PDE4B: variants seen among roughly 807,000 people sequenced by gnomAD.
The protein encoded by PDE4B is 3',5'-cyclic-AMP phosphodiesterase 4B.
A neutral mutation model predicts 82.2 loss-of-function variants in PDE4B; 20 were observed. That is an observed-to-expected ratio of 0.24 (90% CI 0.17 to 0.35). The LOEUF is 0.35. Ranked by LOEUF, PDE4B falls within the 10% of genes least tolerant of loss-of-function variation. The pLI, the probability that PDE4B is intolerant of heterozygous loss-of-function variation, is 1.00. For missense variants in PDE4B, 655 were observed against 907.2 expected, an observed-to-expected ratio of 0.72 and a Z score of 3.57; for synonymous variants, 320 against 318.9, an observed-to-expected ratio of 1.00 and a Z score of -0.04.
rs187801418 is a variant in PDE4B, at chr1:66,091,102, C to T, written c.282-156358C>T. 3.3e-5 allele frequency among the ~76,000 whole-genome samples: 5 copies of T among 152,058 alleles called. No individual in the cohort carries two copies. In the East Asian group the frequency reaches 5.8e-4, roughly 18 times the overall value. The stretch of plus-strand genomic sequence containing the variant: ...TCCACCTATGTGATGGCCTTTCAGA[C>T]ATGACAAACAGTTTTTCTAGTTTCT... On this transcript the variant is annotated intron_variant, in intron 3 of 16. Coordinates refer to ENST00000341517, the MANE Select transcript of PDE4B (RefSeq NM_002600.4).
intron 3 of PDE4B, among the ~76,000 whole-genome samples, chr1:65,999,374 C>T (rs1410215074): frequency 6.6e-6 from 1 of 152,194 alleles, no homozygotes; most frequent in African/African-American, 2.4e-5. Context: ...CCCCAGGCTG[C>T]TTCCAACCTC....
chr1:65,793,957 C>G (rs1645603333), intron 1 of PDE4B, among the ~76,000 whole-genome samples: 1 of 152,162 alleles, frequency 6.6e-6, no homozygotes, highest in East Asian at 1.9e-4. Context: ...ACTTCAAACA[C>G]AAATCGGAAC....
chr1:65,858,717 T>C (rs1200256034), intron 1 of PDE4B, among the ~76,000 whole-genome samples: 2 of 152,182 alleles, frequency 1.3e-5, no homozygotes, highest in Non-Finnish European at 2.9e-5. Context: ...GTCTATATCT[T>C]CTGGTTAGTA....
intron 3 of PDE4B, among the ~76,000 whole-genome samples, chr1:66,133,018 C>T (rs920031009): frequency 6.6e-6 from 1 of 152,082 alleles, no homozygotes; most frequent in Non-Finnish European, 1.5e-5. Context: ...GTTGATATAC[C>T]AGGGCTACTT....
chr1:65,897,263 A>G (rs1487616463), intron 1 of PDE4B, among the ~76,000 whole-genome samples: 1 of 152,174 alleles, frequency 6.6e-6, no homozygotes, highest in Non-Finnish European at 1.5e-5. Context: ...TTACCTGTAC[A>G]CAGATATATA....
At chr1:66,011,860 T>C (rs1383810063) in intron 3 of PDE4B, among the ~76,000 whole-genome samples, 2 of 152,136 alleles carry the variant, frequency 1.3e-5, no homozygotes, top group Non-Finnish European at 2.9e-5. Context: ...AACAGATGTA[T>C]AATAGAAATT....
At chr1:65,794,367 C>G (rs560283455) in intron 1 of PDE4B, among the ~76,000 whole-genome samples, 1 of 152,270 alleles carries the variant, frequency 6.6e-6, no homozygotes, top group South Asian at 2.1e-4. Flanking sequence ...AGATCATACT[C>G]CCCCTCCGTT....
intron 1 of PDE4B, among the ~76,000 whole-genome samples, chr1:65,868,391 A>C (rs779385218): frequency 2.4e-4 from 36 of 152,220 alleles, no homozygotes; most frequent in Non-Finnish European, 4.6e-4. Flanking sequence ...TCTGAAGGAC[A>C]CTGTCTGGTG....
chr1:66,092,961 A>G (rs554354124), intron 3 of PDE4B, among the ~76,000 whole-genome samples: 1 of 152,228 alleles, frequency 6.6e-6, no homozygotes, highest in South Asian at 2.1e-4. Flanking sequence ...CAATCTAGAA[A>G]AAGTTCGGAA....
Position 65,861,375 on chromosome 1 carries a change from T to A in PDE4B, c.-70-51870T>A, listed in dbSNP as rs374869291. On this transcript the variant is annotated intron_variant, in intron 1 of 16. Coordinates refer to ENST00000341517, the MANE Select transcript of PDE4B (RefSeq NM_002600.4). ...ATGGCTGTAGATGTGTGGTGTTATTTCTGAGGTCTCTTTTCTGTTCCACTG... is the reference window on the plus strand; with the variant it reads ...ATGGCTGTAGATGTGTGGTGTTATTACTGAGGTCTCTTTTCTGTTCCACTG... Among the ~76,000 whole-genome samples the A allele has an allele frequency of 2.3e-3, 343 of 152,318 alleles. 3 individuals carry two copies. The highest frequency in any genetic ancestry group is 7.7e-3 in the African/African-American group (322 of 41,574).
chr1:66,339,408 T>C (rs1044212420), intron 8 of PDE4B, among the ~76,000 whole-genome samples: 53 of 152,242 alleles, frequency 3.5e-4, no homozygotes, highest in African/African-American at 1.1e-3. Flanking sequence ...TGTAGTAAGT[T>C]TGATTTGTAA....
At chr1:66,052,435 C>G (rs1015814094) in intron 3 of PDE4B, among the ~76,000 whole-genome samples, 1 of 152,052 alleles carries the variant, frequency 6.6e-6, no homozygotes, top group African/African-American at 2.4e-5. Flanking sequence ...GCATCAAACC[C>G]ACTTGTACAG....
intron 1 of PDE4B, among the ~76,000 whole-genome samples, chr1:65,868,918 C>T (rs947269333): frequency 6.6e-6 from 1 of 152,190 alleles, no homozygotes; most frequent in Non-Finnish European, 1.5e-5. Flanking sequence ...CCTGAAACCA[C>T]CTCCCTCCCA....
chr1:66,199,536 G>A (rs1195097173), intron 3 of PDE4B, among the ~76,000 whole-genome samples: 1 of 151,936 alleles, frequency 6.6e-6, no homozygotes, highest in Non-Finnish European at 1.5e-5. Context: ...CAGATGAATA[G>A]GTTGCAAAAA....
At chr1:66,205,476 C>A (rs893352285) in intron 3 of PDE4B, among the ~76,000 whole-genome samples, 1 of 152,178 alleles carries the variant, frequency 6.6e-6, no homozygotes, top group South Asian at 2.1e-4. Flanking sequence ...TTTTTCCAAT[C>A]CATCTTTCTT....
intron 7 of PDE4B, among the ~76,000 whole-genome samples, chr1:66,281,504 A>C (rs1374813851): frequency 1.3e-5 from 2 of 152,228 alleles, no homozygotes; most frequent in East Asian, 1.9e-4. Flanking sequence ...TTGCCTAGAC[A>C]TATGTAGGAA....
intron 3 of PDE4B, among the ~76,000 whole-genome samples, chr1:66,147,711 G>A (rs939543749): frequency 4.6e-5 from 7 of 152,160 alleles, no homozygotes; most frequent in African/African-American, 1.7e-4. Context: ...GCGTTTCTTA[G>A]CCACTTTATT....
At chr1:65,819,494 T>TTTTGG in intron 1 of PDE4B, among the ~76,000 whole-genome samples, 1 of 68,576 alleles carries the variant, frequency 1.5e-5, no homozygotes, top group African/African-American at 4.1e-5. Context: ...CTCTTGTTTG[T>TTTTGG]TTTTGTTTTG....
At chr1:66,185,919 G>A (rs1215485695) in intron 3 of PDE4B, among the ~76,000 whole-genome samples, 3 of 152,174 alleles carry the variant, frequency 2.0e-5, no homozygotes, top group Admixed American at 1.3e-4. Flanking sequence ...CCATGCCTAT[G>A]TCTTGAATGG....
Sources: allele counts gnomAD v4.1 joint callset (sites outside exome capture counted in the v4.1 genomes callset), GRCh38; gene constraint gnomAD v4.1.1; transcripts MANE v1.5; gene names NCBI Gene and HGNC (gene_info 2026-07-23, HGNC 2026-07-21).